The following ARHGAP15 variants were observed in gnomAD, a reference collection of about 807,000 sequenced individuals.
ARHGAP15 encodes rho GTPase-activating protein 15.
Under a neutral mutation model 63.7 loss-of-function variants are expected in ARHGAP15, and 51 were observed. The observed-to-expected ratio is 0.80, with a 90% CI of 0.64 to 1.01. The LOEUF (loss-of-function observed/expected upper bound fraction) is 1.01. Among genes scored for constraint, ARHGAP15 ranks in the 50% least tolerant of loss-of-function variants. ARHGAP15 has a pLI of 0.00. For missense variants in ARHGAP15, 560 were observed against 564.6 expected (o/e 0.99, Z 0.08); for synonymous variants, 191 against 193.8 (o/e 0.99, Z 0.12).
At chr2:143,217,773 TC>T (rs1437908087) in intron 4 of ARHGAP15, among the ~76,000 whole-genome samples, 1 of 152,102 alleles carries the variant, frequency 6.6e-6, no homozygotes, top group African/African-American at 2.4e-5. Context: ...GACCCTTTCT[TC>T]CCTCAGCAGC....
intron 2 of ARHGAP15, among the ~76,000 whole-genome samples, chr2:143,197,541 A>C (rs1413796297): frequency 3.3e-5 from 5 of 152,122 alleles, no homozygotes; most frequent in Admixed American, 6.5e-5. Context: ...AAACAACCTG[A>C]AATATTCTAA....
intron 11 of ARHGAP15, among the ~76,000 whole-genome samples, chr2:143,612,329 A>T (rs1426178619): frequency 6.6e-6 from 1 of 152,170 alleles, no homozygotes; most frequent in Non-Finnish European, 1.5e-5. Context: ...TCATAGACTA[A>T]TTAGTATTTG....
At chr2:143,234,529 A>C (rs1023582782) in intron 5 of ARHGAP15, among the ~76,000 whole-genome samples, 2 of 152,216 alleles carry the variant, frequency 1.3e-5, no homozygotes, top group African/African-American at 4.8e-5. Flanking sequence ...CTAAATTAAC[A>C]GTATAAAACT....
chr2:143,274,649 T>A (rs551919448), intron 6 of ARHGAP15, among the ~76,000 whole-genome samples: 24 of 152,236 alleles, frequency 1.6e-4, no homozygotes, highest in Non-Finnish European at 1.6e-4. Flanking sequence ...AACTGTCTCA[T>A]GTTACCATAC....
In ARHGAP15 at chr2:143,341,277, A is replaced by G. The variant is rs1685047303; in HGVS notation, c.474+90677A>G. On this transcript the variant is annotated intron_variant, in intron 6 of 13. Coordinates refer to ENST00000295095, the MANE Select transcript of ARHGAP15 (RefSeq NM_018460.4). ...ATAGCCCCTGAACCATAGCCTACTC[A>G]TCAAATCACTCTTTAAGACACTGTC... Among the ~76,000 whole-genome samples the G allele has an allele frequency of 2.0e-5, 3 of 152,054 alleles. No individual in the cohort carries two copies. In the South Asian group the frequency reaches 6.2e-4, roughly 31 times the overall value.
chr2:143,727,318 CAG>C (rs539422348), intron 13 of ARHGAP15, among the ~76,000 whole-genome samples: 1 of 152,034 alleles, frequency 6.6e-6, no homozygotes, highest in Non-Finnish European at 1.5e-5. Flanking sequence ...GTATAATAAA[CAG>C]AGTTTTATAG....
At chr2:143,257,666 C>A (rs1311769644) in intron 6 of ARHGAP15, among the ~76,000 whole-genome samples, 1 of 152,058 alleles carries the variant, frequency 6.6e-6, no homozygotes, top group African/African-American at 2.4e-5. Context: ...GTGTGGTAGT[C>A]TCTATGCCAT....
chr2:143,250,408 TA>T (rs1184244669), intron 5 of ARHGAP15, 102 bp from the exon 6 acceptor site: 84 of 804,988 alleles, frequency 1.0e-4, no homozygotes, highest in Non-Finnish European at 1.5e-4. Context: ...AAAGGCATTA[TA>T]TCATAAATAT....
At chr2:143,459,528 T>A (rs1690826430) in intron 8 of ARHGAP15, among the ~76,000 whole-genome samples, 1 of 152,192 alleles carries the variant, frequency 6.6e-6, no homozygotes, top group Non-Finnish European at 1.5e-5. Context: ...AAAGCATGTG[T>A]GTGCCCACTC....
intron 2 of ARHGAP15, among the ~76,000 whole-genome samples, chr2:143,178,921 A>G (rs1370434879): frequency 6.6e-6 from 1 of 152,224 alleles, no homozygotes; most frequent in Non-Finnish European, 1.5e-5. Context: ...GGAATCACCA[A>G]TTTATTTTCT....
At chr2:143,337,023 G>A (rs1042354562) in intron 6 of ARHGAP15, among the ~76,000 whole-genome samples, 1 of 152,014 alleles carries the variant, frequency 6.6e-6, no homozygotes, top group Non-Finnish European at 1.5e-5. Context: ...GAGGTGGAAG[G>A]GGGTGGGAGA....
At chr2:143,338,158 A>G (rs1476729859) in intron 6 of ARHGAP15, among the ~76,000 whole-genome samples, 2 of 152,186 alleles carry the variant, frequency 1.3e-5, no homozygotes, top group African/African-American at 4.8e-5. Flanking sequence ...TTTAGAAGAG[A>G]TAACTTACTT....
At chr2:143,568,798 T>C (rs1696336215) in intron 11 of ARHGAP15, among the ~76,000 whole-genome samples, 1 of 152,058 alleles carries the variant, frequency 6.6e-6, no homozygotes, top group Non-Finnish European at 1.5e-5. Flanking sequence ...ATTAAGAAAA[T>C]GTGGCACATA....
chr2:143,374,656 C>G (rs944663605), intron 6 of ARHGAP15, among the ~76,000 whole-genome samples: 1 of 152,106 alleles, frequency 6.6e-6, no homozygotes, highest in African/African-American at 2.4e-5. Flanking sequence ...GCATGCACCA[C>G]CACACCTGGC....
At chr2:143,254,293 C>G (rs1574158872) in intron 6 of ARHGAP15, among the ~76,000 whole-genome samples, 1 of 152,018 alleles carries the variant, frequency 6.6e-6, no homozygotes, top group South Asian at 2.1e-4. Context: ...GGCAGCCTCC[C>G]TCACACAAGC....
intron 6 of ARHGAP15, among the ~76,000 whole-genome samples, chr2:143,274,274 G>A (rs1300080304): frequency 6.6e-6 from 1 of 151,924 alleles, no homozygotes; most frequent in Non-Finnish European, 1.5e-5. Context: ...AATTTTAGGA[G>A]TACAAAGCTG....
intron 9 of ARHGAP15, among the ~76,000 whole-genome samples, chr2:143,497,488 G>C (rs574965386): frequency 7.2e-5 from 11 of 152,256 alleles, no homozygotes; most frequent in African/African-American, 2.4e-4. Flanking sequence ...ATACCCTGCT[G>C]TTCTCCAGCA....
chr2:143,675,699 C>A (rs1054235538), intron 12 of ARHGAP15, among the ~76,000 whole-genome samples: 1 of 152,132 alleles, frequency 6.6e-6, no homozygotes, highest in Non-Finnish European at 1.5e-5. Flanking sequence ...AACCATGCTA[C>A]GAACAGATAT....
chr2:143,511,568 T>TTTTGTTTGTTTTG (rs113360770), intron 9 of ARHGAP15, among the ~76,000 whole-genome samples: 1 of 150,562 alleles, frequency 6.6e-6, no homozygotes, highest in Non-Finnish European at 1.5e-5. Flanking sequence ...AAGTGTTCTT[T>TTTTGTTTGTTTTG]TTTGTTTGTT....
Sources: allele counts gnomAD v4.1 joint callset (sites outside exome capture counted in the v4.1 genomes callset), GRCh38; gene constraint gnomAD v4.1.1; transcripts MANE v1.5; gene names NCBI Gene and HGNC (gene_info 2026-07-23, HGNC 2026-07-21).